SHANK2: variants seen among roughly 807,000 people sequenced by gnomAD.
SHANK2 encodes the protein SH3 and multiple ankyrin repeat domains protein 2.
SHANK2 carries 43 observed loss-of-function variants against 133.7 expected under a neutral mutation model. That is an observed-to-expected ratio of 0.32 (90% CI 0.25 to 0.41). The LOEUF is 0.41. SHANK2 is among the 10% of genes least tolerant of loss of function. The pLI, the probability that SHANK2 is intolerant of heterozygous loss-of-function variation, is 1.00. For synonymous variants in SHANK2, 1,017 were observed against 952.8 expected (o/e 1.07, Z -1.24); for missense variants, 1,994 against 2,235.8 (o/e 0.89, Z 2.18).
At chr11:70,753,811 A>ACTGT (rs71049937) in intron 14 of SHANK2, among the ~76,000 whole-genome samples, 9 of 144,696 alleles carry the variant, frequency 6.2e-5, no homozygotes, top group African/African-American at 7.9e-5. Context: ...AAAGATATTA[A>ACTGT]GTGTGTGTGT....
At chr11:71,173,333 C>T (rs1953356993) in intron 2 of SHANK2, among the ~76,000 whole-genome samples, 1 of 152,192 alleles carries the variant, frequency 6.6e-6, no homozygotes, top group African/African-American at 2.4e-5. Flanking sequence ...ACCCTGCCTG[C>T]TTTTGGAGCA....
At chr11:70,789,982 T>C (rs1487984067) in intron 14 of SHANK2, among the ~76,000 whole-genome samples, 2 of 152,254 alleles carry the variant, frequency 1.3e-5, no homozygotes, top group Non-Finnish European at 2.9e-5. Flanking sequence ...AGCCCTGGCC[T>C]GACAGTTTCC....
intron 2 of SHANK2, among the ~76,000 whole-genome samples, chr11:71,176,528 T>TA (rs1163867605): frequency 2.0e-5 from 3 of 152,152 alleles, no homozygotes; most frequent in Admixed American, 6.5e-5. Flanking sequence ...GGAAAAAAAT[T>TA]AAACTTCCAA....
chr11:70,784,958 C>A (rs889591772), intron 14 of SHANK2, among the ~76,000 whole-genome samples: 6 of 152,246 alleles, frequency 3.9e-5, no homozygotes, highest in East Asian at 1.9e-4. Flanking sequence ...GCCAGGGACA[C>A]GAGGTGCCAC....
chr11:71,241,578 T>TC (rs1285920112), intron 1 of SHANK2, among the ~76,000 whole-genome samples: 6 of 152,102 alleles, frequency 3.9e-5, no homozygotes, highest in Non-Finnish European at 8.8e-5. Context: ...GGAGACACTC[T>TC]CCCCCCTGCT....
At chr11:70,824,841 G>T (rs1948613721) in intron 11 of SHANK2, among the ~76,000 whole-genome samples, 1 of 152,160 alleles carries the variant, frequency 6.6e-6, no homozygotes, top group Non-Finnish European at 1.5e-5. Context: ...CCTTGCAAAG[G>T]GCTGATGAGC....
chr11:70,695,622 T>C (rs1356942236), intron 15 of SHANK2, among the ~76,000 whole-genome samples: 1 of 152,228 alleles, frequency 6.6e-6, no homozygotes, highest in African/African-American at 2.4e-5. Context: ...AGGGCTCTAC[T>C]GCCCACAGAT....
chr11:70,727,597 C>T (rs562828961), intron 14 of SHANK2, among the ~76,000 whole-genome samples: 1 of 152,346 alleles, frequency 6.6e-6, no homozygotes, highest in African/African-American at 2.4e-5. Flanking sequence ...GACTGTTCCT[C>T]TTGCTAGGTG....
At chr11:70,872,004 A>G (rs1449569197) in intron 11 of SHANK2, among the ~76,000 whole-genome samples, 5 of 152,168 alleles carry the variant, frequency 3.3e-5, no homozygotes, top group African/African-American at 1.2e-4. Context: ...ACATCCCTGA[A>G]CACCAGAGCC....
chr11:70,680,672 C>A (rs185876491), intron 15 of SHANK2, among the ~76,000 whole-genome samples: 55 of 152,266 alleles, frequency 3.6e-4, no homozygotes, highest in Non-Finnish European at 6.3e-4. Flanking sequence ...TCACAGGCCC[C>A]AGGGGTTAGG....
chr11:70,774,784 G>GA (rs1947327283), intron 14 of SHANK2, among the ~76,000 whole-genome samples: 1 of 152,040 alleles, frequency 6.6e-6, no homozygotes, highest in African/African-American at 2.4e-5. Context: ...TTTAAGAAAA[G>GA]AAAAAAAGGT....
At chr11:70,662,425 G>A (rs568111110) in intron 15 of SHANK2, among the ~76,000 whole-genome samples, 74 of 152,324 alleles carry the variant, frequency 4.9e-4, no homozygotes, top group African/African-American at 1.7e-3. Flanking sequence ...AGGGCGGGGA[G>A]GGGGAGCGGC....
At chr11:70,621,839 CT>C (rs1414273418) in intron 17 of SHANK2, among the ~76,000 whole-genome samples, 10 of 152,148 alleles carry the variant, frequency 6.6e-5, no homozygotes, top group Non-Finnish European at 1.5e-5. Flanking sequence ...TGATTGAGGG[CT>C]TAATGGCAGA....
At chr11:71,171,079 G>A (rs1953304035) in intron 2 of SHANK2, among the ~76,000 whole-genome samples, 1 of 152,238 alleles carries the variant, frequency 6.6e-6, no homozygotes, top group Non-Finnish European at 1.5e-5. Flanking sequence ...TCTCAGCACG[G>A]CCTCGTCTTT....
chr11:70,946,254 C>T (rs1425700827), intron 10 of SHANK2, among the ~76,000 whole-genome samples: 7 of 143,148 alleles, frequency 4.9e-5, no homozygotes, highest in Admixed American at 1.4e-4. Flanking sequence ...CTAACCAACC[C>T]TTTCCAGGCT....
At chr11:71,238,672 A>G (rs183955045) in intron 1 of SHANK2, among the ~76,000 whole-genome samples, 79 of 152,328 alleles carry the variant, frequency 5.2e-4, no homozygotes, top group Admixed American at 2.2e-3. Context: ...ACCCATCACC[A>G]CAGCCTAGAG....
At chr11:70,484,730 G>C (rs1328770976) in intron 25 of SHANK2, among the ~76,000 whole-genome samples, 3 of 152,180 alleles carry the variant, frequency 2.0e-5, no homozygotes, top group African/African-American at 7.2e-5. Flanking sequence ...ACAGCTAGAG[G>C]CTTCTGCCCC....
intron 17 of SHANK2, among the ~76,000 whole-genome samples, chr11:70,505,499 G>A (rs561820649): frequency 6.6e-6 from 1 of 152,110 alleles, no homozygotes; most frequent in African/African-American, 2.4e-5. Flanking sequence ...ATCCCCAGGG[G>A]TCATCCCTTG....
At chr11:70,612,139 G>A (rs1045894918) in intron 17 of SHANK2, among the ~76,000 whole-genome samples, 3 of 152,142 alleles carry the variant, frequency 2.0e-5, no homozygotes, top group African/African-American at 7.2e-5. Flanking sequence ...GGGAACCAGG[G>A]GTCTGTGCTG....
Sources: allele counts gnomAD v4.1 joint callset (sites outside exome capture counted in the v4.1 genomes callset), GRCh38; gene constraint gnomAD v4.1.1; transcripts MANE v1.5; gene names NCBI Gene and HGNC (gene_info 2026-07-23, HGNC 2026-07-21).